The following SLC49A3 variants were observed in gnomAD, a reference collection of about 807,000 sequenced individuals.
The protein encoded by SLC49A3 is solute carrier family 49 member A3.
SLC49A3 carries 50 observed loss-of-function variants against 43.8 expected under a neutral mutation model. The ratio of observed to expected loss-of-function variants is 1.14; its 90% CI spans 0.91 to 1.45. The LOEUF is 1.45. SLC49A3 is among the 40% of genes most tolerant of loss of function. SLC49A3 has a pLI of 0.00. For synonymous variants in SLC49A3, 413 were observed against 352.0 expected (o/e 1.17, Z -1.94); for missense variants, 906 against 774.1 (o/e 1.17, Z -2.02).
At chr4:678,535 C>A (rs546458755), downstream of SLC49A3, 49 of 1,464,182 alleles carry the variant, frequency 3.3e-5, no homozygotes, top group Middle Eastern at 2.5e-4. Context: ...AGCTGTCTGG[C>A]CCCCTCCAGC....
At chr4:691,182 G>A (rs1161913809), upstream of SLC49A3, among the ~76,000 whole-genome samples, 1 of 151,938 alleles carries the variant, frequency 6.6e-6, no homozygotes, top group African/African-American at 2.4e-5. Context: ...CTATTTGGGA[G>A]GCTGAGGTAA....
chr4:678,029 G>A (rs763610479), downstream of SLC49A3: 7 of 1,613,428 alleles, frequency 4.3e-6, no homozygotes, highest in Non-Finnish European at 5.9e-6. Flanking sequence ...AAGCAGGCAT[G>A]GTGAGCAGGC....
At chr4:686,838 G>A in intron 1 of SLC49A3, 148 bp from the exon 2 acceptor site, 3 of 1,068,756 alleles carry the variant, frequency 2.8e-6, no homozygotes, top group East Asian at 5.2e-5. Context: ...TCCTGCCCAA[G>A]GAGAGCGCCA....
chr4:684,539 A>C lies in SLC49A3; in HGVS notation c.784T>G (p.Ser262Ala). 1 of 1,613,206 alleles carries C rather than the reference A, an allele frequency of 6.2e-7. No individual in the cohort carries two copies. The highest frequency in any genetic ancestry group is 8.5e-7 in the Non-Finnish European group (1 of 1,179,942). Residue 262 changes from serine (S) to alanine (A), a missense_variant, in exon 6 of 10, where the codon TCT becomes GCT. Transcript: ENST00000322224. The part of the protein sequence containing the change: ...AVCLGGMIGI[S>A]ASFSALLEQI... ...TCCAGGAGGGCTGAGAAGCTGGCAG[A>C]GATCCCGATCATTCCCCCCAAGCAC... is the stretch of plus-strand genomic sequence containing the variant.
At chr4:678,462 A>G, downstream of SLC49A3, 1 of 1,430,580 alleles carries the variant, frequency 7.0e-7, no homozygotes, top group Non-Finnish European at 9.1e-7. Context: ...TGCTGAAGCC[A>G]GACACCTGCA....
intron 1 of SLC49A3, chr4:687,938 A>G (rs1420269676): frequency 6.6e-6 from 1 of 152,208 alleles, no homozygotes; most frequent in Non-Finnish European, 1.5e-5. Context: ...GGCAGAGACC[A>G]TGACGACTCT....
intron 1 of SLC49A3, 48 bp from the exon 2 acceptor site, chr4:686,738 T>C (rs374542466): frequency 1.0e-5 from 16 of 1,581,062 alleles, no homozygotes; most frequent in Non-Finnish European, 1.3e-5. Context: ...ACCCCGGACC[T>C]ACCTGCTGTG....
chr4:680,072 G>A (rs1422125805), downstream of SLC49A3: 9 of 1,407,902 alleles, frequency 6.4e-6, no homozygotes, highest in Non-Finnish European at 8.8e-6. Flanking sequence ...AACAGTTAGA[G>A]ATCCGGACAT....
At chr4:683,495 G>T in intron 7 of SLC49A3, 114 bp downstream of exon 7, 1 of 1,495,318 alleles carries the variant, frequency 6.7e-7, no homozygotes, top group South Asian at 1.3e-5. Flanking sequence ...GGCTGGCAGA[G>T]GCTGGGCATG....
At chr4:680,960 G>A, downstream of SLC49A3, 4 of 1,040,066 alleles carry the variant, frequency 3.8e-6, no homozygotes, top group Non-Finnish European at 5.7e-6. Context: ...CTGCCCCAGG[G>A]CCACACTCCA....
At chr4:677,885 C>A, downstream of SLC49A3, 1 of 1,431,730 alleles carries the variant, frequency 7.0e-7, no homozygotes, top group South Asian at 1.2e-5. Flanking sequence ...CTGCAGCTGT[C>A]CAGTCCCCTG....
upstream of SLC49A3, among the ~76,000 whole-genome samples, chr4:690,736 T>C (rs1741813798): frequency 6.6e-6 from 1 of 152,238 alleles, no homozygotes; most frequent in South Asian, 2.1e-4. Context: ...CCACTGTAGC[T>C]ACCTCCATTG....
chr4:678,536 C>T (rs571469930), downstream of SLC49A3: 111 of 1,465,230 alleles, frequency 7.6e-5, no homozygotes, highest in African/African-American at 1.3e-3. Flanking sequence ...GCTGTCTGGC[C>T]CCCTCCAGCC....
Position 682,214 on chromosome 4 carries a change from C to A in SLC49A3, c.1424G>T (p.Gly475Val). The change falls in exon 10 of 10, where the codon GGA becomes GTA. Residue 475 changes from glycine (G) to valine (V), a missense_variant. By Grantham distance (109) the Gly-to-Val change is moderately radical. Transcript: ENST00000322224. Reference sequence around the variant, plus strand: ...CCCCAGGACCCCAGCCCTTCCTGCTCCCCCTCGGTCCACACCCGGCCCTGA... The same window carrying A: ...CCCCAGGACCCCAGCCCTTCCTGCTACCCCTCGGTCCACACCCGGCCCTGA... ...ADSGPGVDRG[G>V]AGRAGVLGPS... 2 of 1,377,374 alleles carry A rather than the reference C, an allele frequency of 1.5e-6. No homozygotes were observed. Among genetic ancestry groups the A allele is most frequent in the South Asian group, 1.8e-5 (1 of 56,842 alleles). The allele number at this position is 1,377,374 out of a possible 1,614,324, so 85.3% of individuals were successfully genotyped here. A position where few individuals can be genotyped will look rare whatever the true frequency, so the allele number is the denominator to read the frequency against.
rs776474640 is a variant in SLC49A3, at chr4:682,021, C to T, written c.1617G>A (p.Ala539=). 6 of 1,429,812 alleles carry T rather than the reference C, an allele frequency of 4.2e-6. No homozygotes were observed. The highest frequency in any genetic ancestry group is 5.6e-6 in the Non-Finnish European group (6 of 1,078,146). 88.6% of individuals were successfully genotyped at this position (1,429,812 alleles called of 1,614,324 possible). Residue 539 remains alanine (A), a synonymous_variant, in exon 10 of 10, where the codon GCG becomes GCA. Transcript: ENST00000322224. Reference sequence around the variant, plus strand: ...ACCCAGCCGGGTCAATAAACCTGGACGCTTGGACCCTGCCTGCGAGTCTGC... The same window carrying T: ...ACCCAGCCGGGTCAATAAACCTGGATGCTTGGACCCTGCCTGCGAGTCTGC... ...RPGRLAGRVQ[A]SRFIDPAGSH...
upstream of SLC49A3, chr4:689,287 C>A: frequency 2.5e-6 from 1 of 396,576 alleles, no homozygotes; most frequent in East Asian, 4.5e-5. Flanking sequence ...AGGGTCCCGC[C>A]CCGTCCCAGT....
In SLC49A3 at chr4:685,086, T is replaced by C; in HGVS notation, c.586-230A>G. 1 of 571,830 alleles carries C rather than the reference T, an allele frequency of 1.7e-6. No homozygotes were observed. The highest frequency in any genetic ancestry group is 3.1e-5 in the East Asian group (1 of 32,590). 35.4% of individuals were successfully genotyped at this position (571,830 alleles called of 1,614,324 possible). ...GCATCCCTCACCAGTGACACCCTCC[T>C]GGCTGATGTTAGCCCAGCACCCCCA... On this transcript the variant is annotated intron_variant, in intron 4 of 9. Transcript: ENST00000322224. This position sits in a 1 kb window ranked among gnomAD's most constrained non-coding sequence, Gnocchi z 4.3.
intron 3 of SLC49A3, 24 bp downstream of exon 3, chr4:686,065 G>A (rs754631720): frequency 6.2e-7 from 1 of 1,612,326 alleles, no homozygotes; most frequent in East Asian, 2.2e-5. Flanking sequence ...GCCCAGGCAG[G>A]CGGCCTCCCT....
Position 681,996 on chromosome 4 carries a change from A to C in SLC49A3, c.1642T>G (p.Ser548Ala). 7.1e-7 allele frequency: 1 copy of C among 1,416,906 alleles called. No individual in the cohort carries two copies. The allele number at this position is 1,416,906 out of a possible 1,614,324, so 87.8% of individuals were successfully genotyped here. ...QASRFIDPAG[S>A]HSSFSSPWVI... ...CACGGGGAGGAGAAGGAGGAGTGAG[A>C]CCCAGCCGGGTCAATAAACCTGGAC... Residue 548 changes from serine (S) to alanine (A), a missense_variant, in exon 10 of 10, where the codon TCT (serine) becomes GCT (alanine). Transcript: ENST00000322224.
Sources: allele counts gnomAD v4.1 joint callset (sites outside exome capture counted in the v4.1 genomes callset), GRCh38; gene constraint gnomAD v4.1.1; non-coding constraint Gnocchi (gnomAD v3.1); transcripts MANE v1.5; gene names NCBI Gene and HGNC (gene_info 2026-07-23, HGNC 2026-07-21).